The following LINGO2 variants were observed in gnomAD, a reference collection of about 807,000 sequenced individuals.
LINGO2 encodes leucine-rich repeat and immunoglobulin-like domain-containing nogo receptor-interacting protein 2.
A neutral mutation model predicts 30.6 loss-of-function variants in LINGO2; 14 were observed. That is an observed-to-expected ratio of 0.46 (90% CI 0.30 to 0.72). The LOEUF (loss-of-function observed/expected upper bound fraction) is 0.72, where lower values mean the gene tolerates loss of function less well. Ranked by LOEUF, LINGO2 falls within the 30% of genes least tolerant of loss-of-function variation. LINGO2 has a pLI of 0.07. For synonymous variants in LINGO2, 317 were observed against 288.5 expected (o/e 1.10, Z -1.00); for missense variants, 729 against 751.7 (o/e 0.97, Z 0.35).
intron 5 of LINGO2, among the ~76,000 whole-genome samples, chr9:27,985,877 A>G (rs1052740085): frequency 2.0e-5 from 3 of 151,820 alleles, no homozygotes; most frequent in Non-Finnish European, 4.4e-5. Flanking sequence ...TTGATGGTAA[A>G]ATCAAACGGA....
chr9:28,346,898 AT>A (rs1288549645), intron 3 of LINGO2, among the ~76,000 whole-genome samples: 1 of 151,878 alleles, frequency 6.6e-6, no homozygotes, highest in Non-Finnish European at 1.5e-5. Flanking sequence ...TTTCTTGTAA[AT>A]TTAAGTTCCT....
the LINGO2 span, among the ~76,000 whole-genome samples, chr9:28,712,216 C>T: frequency 1.3e-5 from 2 of 151,988 alleles, no homozygotes. Flanking sequence ...ATTTATATCG[C>T]TATAGAATAT....
At position 28,155,597 on chromosome 9, in the gene LINGO2, C is replaced by T. The variant is rs552012063; in HGVS notation, c.-87+139611G>A. ...TGTTCCATGAACATGGCAGAATAAA[C>T]ATTAAGTCATATCTAACTGTTTACA... is the stretch of plus-strand genomic sequence containing the variant. On this transcript the variant is annotated intron_variant, in intron 4 of 5. Coordinates refer to ENST00000379992, the Ensembl canonical transcript of LINGO2. Among the ~76,000 whole-genome samples, 5 of 152,090 alleles carry T rather than the reference C, an allele frequency of 3.3e-5. No individual in the cohort carries two copies. In the South Asian group the frequency reaches 1.0e-3, roughly 31 times the overall value.
chr9:28,978,396 G>A, the LINGO2 span, among the ~76,000 whole-genome samples: 1 of 152,118 alleles, frequency 6.6e-6, no homozygotes, highest in East Asian at 1.9e-4. Context: ...CTGTGCCTAT[G>A]ATAGGGTATG....
chr9:28,219,293 G>A (rs746905127), intron 4 of LINGO2, among the ~76,000 whole-genome samples: 11 of 152,156 alleles, frequency 7.2e-5, no homozygotes, highest in Non-Finnish European at 1.6e-4. Context: ...AAACTAACGA[G>A]TGGCTTTCTG....
chr9:28,102,307 G>C (rs1008050136), intron 4 of LINGO2, among the ~76,000 whole-genome samples: 1 of 151,940 alleles, frequency 6.6e-6, no homozygotes, highest in African/African-American at 2.4e-5. Flanking sequence ...GGAAGGCTGA[G>C]GTGGAAATAA....
chr9:28,422,717 A>G (rs1422886087), intron 2 of LINGO2, among the ~76,000 whole-genome samples: 1 of 152,094 alleles, frequency 6.6e-6, no homozygotes, highest in Non-Finnish European at 1.5e-5. Flanking sequence ...AGACATTTGT[A>G]TATCTATGTT....
At chr9:28,221,038 G>T (rs1051588681) in intron 4 of LINGO2, among the ~76,000 whole-genome samples, 2 of 152,096 alleles carry the variant, frequency 1.3e-5, no homozygotes, top group African/African-American at 4.8e-5. Context: ...GGTGGCTCAC[G>T]CCTGTAATCC....
At chr9:28,841,273 G>A in the LINGO2 span, among the ~76,000 whole-genome samples, 1 of 151,634 alleles carries the variant, frequency 6.6e-6, no homozygotes, top group Non-Finnish European at 1.5e-5. Flanking sequence ...ACTCATGGCT[G>A]GACATAGAAT....
At chr9:29,119,544 C>A in the LINGO2 span, among the ~76,000 whole-genome samples, 5 of 149,410 alleles carry the variant, frequency 3.3e-5, no homozygotes, top group Admixed American at 3.3e-4. Flanking sequence ...ATAATAAGTT[C>A]CCTAATTGAA....
downstream of LINGO2, chr9:27,944,599 CAG>C (rs1483909996): frequency 6.6e-6 from 1 of 152,138 alleles, no homozygotes; most frequent in Non-Finnish European, 1.5e-5. Flanking sequence ...ACTCCTCAAT[CAG>C]AAAAACATCA....
chr9:28,181,991 A>C (rs1310906748), intron 4 of LINGO2, among the ~76,000 whole-genome samples: 1 of 152,112 alleles, frequency 6.6e-6, no homozygotes, highest in Non-Finnish European at 1.5e-5. Flanking sequence ...ATCAAAGTAG[A>C]CCCTGTATAG....
At chr9:28,851,936 G>A in the LINGO2 span, among the ~76,000 whole-genome samples, 333 of 151,766 alleles carry the variant, frequency 2.2e-3, 1 homozygote, top group African/African-American at 7.7e-3. Context: ...AAAAACTCAA[G>A]AGGTGACAAT....
At chr9:28,564,655 G>C (rs796469607) in intron 1 of LINGO2, among the ~76,000 whole-genome samples, 4 of 152,106 alleles carry the variant, frequency 2.6e-5, no homozygotes, top group African/African-American at 9.6e-5. Context: ...GAATCTTAGG[G>C]CTCCAATGTG....
chr9:28,930,956 T>A, the LINGO2 span, among the ~76,000 whole-genome samples: 2 of 152,142 alleles, frequency 1.3e-5, no homozygotes, highest in African/African-American at 4.8e-5. The surrounding 1 kb of genome is among the most constrained non-coding windows in gnomAD (Gnocchi z 4.2). Context: ...TCCTGTCATA[T>A]GAATGCAGGC....
the LINGO2 span, among the ~76,000 whole-genome samples, chr9:28,870,927 T>G: frequency 4.9e-4 from 74 of 152,128 alleles, no homozygotes; most frequent in East Asian, 0.012. Flanking sequence ...AAATTTTGTT[T>G]CATTAATAAT....
At chr9:28,236,715 G>A (rs990892596) in intron 4 of LINGO2, among the ~76,000 whole-genome samples, 2 of 152,028 alleles carry the variant, frequency 1.3e-5, no homozygotes, top group East Asian at 1.9e-4. Context: ...ATAAATACAA[G>A]GATGTTTACC....
At chr9:28,939,305 T>A in the LINGO2 span, among the ~76,000 whole-genome samples, 12 of 152,178 alleles carry the variant, frequency 7.9e-5, no homozygotes, top group Non-Finnish European at 1.0e-4. Context: ...GAGGTTGGAA[T>A]CATTGCTCAC....
the LINGO2 span, among the ~76,000 whole-genome samples, chr9:28,956,398 G>C: frequency 2.0e-5 from 3 of 152,028 alleles, no homozygotes; most frequent in Non-Finnish European, 4.4e-5. Flanking sequence ...ACTTAAAACT[G>C]TACTCTGATT....
Sources: gnomAD v4.1 joint callset for allele counts (sites outside exome capture counted in the v4.1 genomes callset) on GRCh38, gnomAD v4.1.1 for gene constraint, Gnocchi (gnomAD v3.1) non-coding constraint, MANE v1.5 for transcripts, NCBI Gene and HGNC (gene_info 2026-07-23, HGNC 2026-07-21) for gene names.